The following ADCY2 variants were observed in gnomAD, a reference collection of about 807,000 sequenced individuals.
ADCY2 encodes adenylate cyclase 2.
Under a neutral mutation model 125.2 loss-of-function variants are expected in ADCY2, and 31 were observed. That is an observed-to-expected ratio of 0.25 (90% confidence interval 0.19 to 0.33). ADCY2 has a LOEUF of 0.33. Ranked by LOEUF, ADCY2 falls within the 10% of genes least tolerant of loss-of-function variation. The pLI is 1.00. For missense variants in ADCY2, 904 were observed against 1,418.2 expected, an observed-to-expected ratio of 0.64 and a Z score of 5.82; for synonymous variants, 512 against 548.4, an observed-to-expected ratio of 0.93 and a Z score of 0.93.
chr5:7,781,392 A>G (rs888255255), intron 18 of ADCY2, among the ~76,000 whole-genome samples: 1 of 152,230 alleles, frequency 6.6e-6, no homozygotes, highest in Non-Finnish European at 1.5e-5. Context: ...AGATGAGGTC[A>G]TGCTGAAGGA....
rs193278341 is a variant in ADCY2, at chr5:7,773,680, G to A, written c.2384+579G>A. On this transcript the variant is annotated intron_variant, in intron 18 of 24. Coordinates refer to ENST00000338316, the MANE Select transcript of ADCY2 (RefSeq NM_020546.3). Reference sequence around the variant, plus strand: ...TCTAAAATACTGTTATGGGGAAGGGGAACTATCAGTCCTGAAAATTCTTTG... The same window carrying A: ...TCTAAAATACTGTTATGGGGAAGGGAAACTATCAGTCCTGAAAATTCTTTG... Among the ~76,000 whole-genome samples the A allele has an allele frequency of 6.5e-3, 989 of 152,258 alleles. 4 individuals carry two copies. The highest frequency in any genetic ancestry group is 0.01 in the Non-Finnish European group (688 of 68,008).
chr5:7,451,993 G>A (rs936477650), intron 2 of ADCY2, among the ~76,000 whole-genome samples: 15 of 152,110 alleles, frequency 9.9e-5, no homozygotes, highest in South Asian at 4.1e-4. Context: ...TCACTGCAAC[G>A]TCCGCCTCCC....
intron 23 of ADCY2, among the ~76,000 whole-genome samples, chr5:7,819,476 C>G (rs540964614): frequency 6.6e-6 from 1 of 152,172 alleles, no homozygotes; most frequent in Non-Finnish European, 1.5e-5. Flanking sequence ...TTCAGATTCA[C>G]GCGAACTGTT....
intron 18 of ADCY2, among the ~76,000 whole-genome samples, chr5:7,783,350 G>T (rs1743978882): frequency 1.3e-5 from 2 of 152,118 alleles, no homozygotes; most frequent in South Asian, 4.1e-4. Context: ...CAGCCTGCAG[G>T]GTAGGGGTTG....
intron 5 of ADCY2, among the ~76,000 whole-genome samples, chr5:7,694,964 A>T (rs1740843070): frequency 6.6e-6 from 1 of 152,218 alleles, no homozygotes; most frequent in African/African-American, 2.4e-5. Context: ...CATCCTAATG[A>T]CTGTGAAATA....
chr5:7,423,213 G>A (rs916635106), intron 2 of ADCY2, among the ~76,000 whole-genome samples: 1 of 152,190 alleles, frequency 6.6e-6, no homozygotes, highest in Non-Finnish European at 1.5e-5. Flanking sequence ...AGCTGAGCTG[G>A]GCTCAGCCTG....
chr5:7,665,999 C>T lies in ADCY2; in HGVS notation c.721-24692C>T, dbSNP rs373632983. On this transcript the variant is annotated intron_variant, in intron 4 of 24. Coordinates refer to ENST00000338316, the MANE Select transcript of ADCY2 (RefSeq NM_020546.3). Reference sequence around the variant, plus strand: ...GACTACAGGCACCCGCCACTATGCCCGGCTAATTTTTTGTATTTTTAGTAG... The same window carrying T: ...GACTACAGGCACCCGCCACTATGCCTGGCTAATTTTTTGTATTTTTAGTAG... 2.4e-3 allele frequency among the ~76,000 whole-genome samples: 362 copies of T among 150,402 alleles called. 2 individuals carry two copies. The highest frequency in any genetic ancestry group is 0.022 in the South Asian group (103 of 4,730).
At chr5:7,553,403 G>C (rs988080446) in intron 3 of ADCY2, among the ~76,000 whole-genome samples, 8 of 152,158 alleles carry the variant, frequency 5.3e-5, no homozygotes, top group Non-Finnish European at 1.2e-4. Flanking sequence ...CTCTACTTAG[G>C]TCAAAGAAAA....
intron 4 of ADCY2, among the ~76,000 whole-genome samples, chr5:7,627,336 C>A (rs553663723): frequency 6.6e-6 from 1 of 152,176 alleles, no homozygotes; most frequent in African/African-American, 2.4e-5. Context: ...GTGTGGGGAC[C>A]AAGATATCAC....
chr5:7,802,040 C>T lies in ADCY2; in HGVS notation c.2629-178C>T, dbSNP rs1181100898. Reference sequence around the variant, plus strand: ...TGGCCTGAATCCAGCTCATTAGAAGCTTTCCCCTGAGAGCAGCGGCAGCAT... The same window carrying T: ...TGGCCTGAATCCAGCTCATTAGAAGTTTTCCCCTGAGAGCAGCGGCAGCAT... On this transcript the variant is annotated intron_variant, in intron 20 of 24. Coordinates refer to ENST00000338316, the MANE Select transcript of ADCY2 (RefSeq NM_020546.3). This position sits in a 1 kb window ranked among gnomAD's most constrained non-coding sequence, Gnocchi z 4.6. 3.2e-6 allele frequency: 2 copies of T among 624,780 alleles called. No homozygotes were observed. Among genetic ancestry groups the T allele is most frequent in the Non-Finnish European group, 5.4e-6 (2 of 369,906 alleles). The allele number at this position is 624,780 out of a possible 1,614,324, so 38.7% of individuals were successfully genotyped here. A position where few individuals can be genotyped will look rare whatever the true frequency, so the allele number is the denominator to read the frequency against.
intron 18 of ADCY2, among the ~76,000 whole-genome samples, chr5:7,774,061 A>G (rs1261487851): frequency 6.6e-6 from 1 of 152,158 alleles, no homozygotes; most frequent in African/African-American, 2.4e-5. Context: ...AAATATTTGC[A>G]TTGATTTATT....
intron 2 of ADCY2, among the ~76,000 whole-genome samples, chr5:7,422,507 G>A (rs1247302682): frequency 6.6e-6 from 1 of 152,146 alleles, no homozygotes; most frequent in Non-Finnish European, 1.5e-5. Flanking sequence ...GGAAGGATAG[G>A]AAAGCTGACC....
At chr5:7,464,981 T>C (rs1742051153) in intron 2 of ADCY2, among the ~76,000 whole-genome samples, 1 of 152,204 alleles carries the variant, frequency 6.6e-6, no homozygotes, top group East Asian at 1.9e-4. Context: ...AAAAGGCATG[T>C]CTTACATGGC....
intron 2 of ADCY2, among the ~76,000 whole-genome samples, chr5:7,476,811 GTCTTGTTT>G (rs1742542197): frequency 6.6e-6 from 1 of 152,160 alleles, no homozygotes; most frequent in Non-Finnish European, 1.5e-5. Context: ...ATAAGTCAAT[GTCTTGTTT>G]TCTAATATAT....
intron 2 of ADCY2, among the ~76,000 whole-genome samples, chr5:7,471,783 T>C (rs1294746178): frequency 6.6e-6 from 1 of 152,044 alleles, no homozygotes; most frequent in African/African-American, 2.4e-5. Flanking sequence ...TCCATCAATT[T>C]GAGAGACATT....
rs76509228 is a variant in ADCY2 at position 7,811,450 on chromosome 5, G to A, written c.2884-5416G>A. On this transcript the variant is annotated intron_variant, in intron 22 of 24. Transcript: ENST00000338316. Reference sequence around the variant, plus strand: ...CGGGAGGCGGAGCTTGCAGTAAGTCGAGATTCCGCCACTGCACTCCAGCCT... The same window carrying A: ...CGGGAGGCGGAGCTTGCAGTAAGTCAAGATTCCGCCACTGCACTCCAGCCT... Among the ~76,000 whole-genome samples, 14 of 150,918 alleles carry A rather than the reference G, an allele frequency of 9.3e-5. No homozygotes were observed. The East Asian group carries it at 1.2e-3, about 13-fold the overall frequency.
chr5:7,676,261 C>T (rs187527620), intron 4 of ADCY2, among the ~76,000 whole-genome samples: 23 of 152,234 alleles, frequency 1.5e-4, no homozygotes, highest in Admixed American at 5.9e-4. Context: ...CATCTTGCTA[C>T]GGGTAGTGGT....
At chr5:7,613,978 A>C (rs1340387941) in intron 3 of ADCY2, among the ~76,000 whole-genome samples, 2 of 152,242 alleles carry the variant, frequency 1.3e-5, no homozygotes, top group African/African-American at 4.8e-5. Flanking sequence ...GACAGAAGAG[A>C]ACTCAAGGAG....
At chr5:7,631,181 C>T (rs567852924) in intron 4 of ADCY2, among the ~76,000 whole-genome samples, 2 of 152,176 alleles carry the variant, frequency 1.3e-5, no homozygotes, top group Admixed American at 6.5e-5. Flanking sequence ...TGTAATTACA[C>T]TGGACTAACC....
Sources: gnomAD v4.1 joint callset for allele counts (sites outside exome capture counted in the v4.1 genomes callset) on GRCh38, gnomAD v4.1.1 for gene constraint, Gnocchi (gnomAD v3.1) non-coding constraint, MANE v1.5 for transcripts, NCBI Gene and HGNC (gene_info 2026-07-23, HGNC 2026-07-21) for gene names.